NFATC2: variants seen among roughly 807,000 people sequenced by gnomAD.
NFATC2 encodes nuclear factor of activated T-cells, cytoplasmic 2.
In NFATC2, 22 loss-of-function variants were observed where a neutral mutation model predicts 87.3. That is an observed-to-expected ratio of 0.25 (90% confidence interval 0.18 to 0.36). The LOEUF is 0.36. Among genes scored for constraint, NFATC2 ranks in the 10% least tolerant of loss-of-function variants. The pLI is 1.00. For missense variants in NFATC2, 1,149 were observed against 1,259.1 expected, an observed-to-expected ratio of 0.91 and a Z score of 1.32; for synonymous variants, 565 against 542.2, an observed-to-expected ratio of 1.04 and a Z score of -0.58.
At chr20:51,559,602 C>T (rs2077004932) in intron 1 of NFATC2, among the ~76,000 whole-genome samples, 1 of 152,220 alleles carries the variant, frequency 6.6e-6, no homozygotes, top group Non-Finnish European at 1.5e-5. Flanking sequence ...ACCATGATTG[C>T]AGTACTTATC....
intron 1 of NFATC2, among the ~76,000 whole-genome samples, chr20:51,555,182 C>T (rs1269018029): frequency 6.6e-6 from 1 of 152,172 alleles, no homozygotes; most frequent in Non-Finnish European, 1.5e-5. Context: ...AGAGGCTGCT[C>T]TCCCCTTAAT....
chr20:51,542,308 C>T, intron 1 of NFATC2, 62 bp downstream of exon 1: 1 of 1,553,214 alleles, frequency 6.4e-7, no homozygotes, highest in Admixed American at 2.1e-5. Context: ...CTCCTGTGCC[C>T]AGTCCCCAGG....
intron 6 of NFATC2, among the ~76,000 whole-genome samples, chr20:51,450,700 C>G (rs1985659426): frequency 6.6e-6 from 1 of 152,310 alleles, no homozygotes; most frequent in Middle Eastern, 3.4e-3. Flanking sequence ...GCTAAACTGT[C>G]TGCCTCCCAT....
intron 3 of NFATC2, among the ~76,000 whole-genome samples, chr20:51,501,855 T>G (rs2076094602): frequency 6.6e-6 from 1 of 152,212 alleles, no homozygotes; most frequent in African/African-American, 2.4e-5. Flanking sequence ...GGAAACATTT[T>G]AGGCTCTGCA....
chr20:51,468,121 A>G (rs945804075), intron 5 of NFATC2, among the ~76,000 whole-genome samples: 2 of 152,208 alleles, frequency 1.3e-5, no homozygotes, highest in Non-Finnish European at 2.9e-5. Context: ...AGATTAATCA[A>G]CCGTGATAGA....
chr20:51,510,658 G>A (rs1198690309), intron 3 of NFATC2, among the ~76,000 whole-genome samples: 1 of 152,196 alleles, frequency 6.6e-6, no homozygotes, highest in Non-Finnish European at 1.5e-5. Context: ...GTCTCACTCT[G>A]TCACCCAGGC....
At chr20:51,505,523 T>C (rs908049500) in intron 3 of NFATC2, among the ~76,000 whole-genome samples, 4 of 152,016 alleles carry the variant, frequency 2.6e-5, no homozygotes, top group Non-Finnish European at 5.9e-5. Flanking sequence ...TGTGTATACA[T>C]ATACACATGC....
chr20:51,464,229 GGGCCACCACAAA>G (rs373653877), intron 5 of NFATC2, among the ~76,000 whole-genome samples: 15 of 152,320 alleles, frequency 9.8e-5, no homozygotes, highest in African/African-American at 3.1e-4. Flanking sequence ...CGTCCACACT[GGGCCACCACAAA>G]GGCCACCACA....
At chr20:51,474,429 T>C (rs1988519045) in intron 4 of NFATC2, among the ~76,000 whole-genome samples, 3 of 152,198 alleles carry the variant, frequency 2.0e-5, no homozygotes, top group Admixed American at 1.3e-4. Flanking sequence ...CTGGGGACTA[T>C]TGATTGTGGA....
At chr20:51,481,173 G>A (rs1989222520) in intron 3 of NFATC2, among the ~76,000 whole-genome samples, 1 of 152,202 alleles carries the variant, frequency 6.6e-6, no homozygotes, top group African/African-American at 2.4e-5. Flanking sequence ...CAGGTCCCTG[G>A]AGGTTTGATG....
At chr20:51,491,899 C>T (rs911771972) in intron 3 of NFATC2, among the ~76,000 whole-genome samples, 1 of 149,858 alleles carries the variant, frequency 6.7e-6, no homozygotes, top group African/African-American at 2.5e-5. Flanking sequence ...CACACACACA[C>T]ACACACACAC....
intron 5 of NFATC2, among the ~76,000 whole-genome samples, chr20:51,455,087 C>A (rs1241103352): frequency 6.6e-6 from 1 of 152,152 alleles, no homozygotes; most frequent in Admixed American, 6.5e-5. Flanking sequence ...CATATCCTTT[C>A]TTTGTACATT....
intron 9 of NFATC2, among the ~76,000 whole-genome samples, chr20:51,405,747 T>C (rs908626568): frequency 6.6e-6 from 1 of 152,102 alleles, no homozygotes; most frequent in African/African-American, 2.4e-5. Flanking sequence ...AGTAAAAATC[T>C]CAAGGAGGAA....
intron 9 of NFATC2, among the ~76,000 whole-genome samples, chr20:51,412,805 T>C (rs1284175147): frequency 6.6e-6 from 1 of 152,030 alleles, no homozygotes; most frequent in Non-Finnish European, 1.5e-5. Flanking sequence ...GGCTAGACGT[T>C]TGGCATGCAA....
chr20:51,482,827 C>CT (rs1354516326), intron 3 of NFATC2, among the ~76,000 whole-genome samples: 2 of 152,214 alleles, frequency 1.3e-5, no homozygotes, highest in African/African-American at 4.8e-5. Context: ...AACATATTGG[C>CT]ATTCGAGTTT....
intron 3 of NFATC2, among the ~76,000 whole-genome samples, chr20:51,489,420 T>C (rs142424497): frequency 1.1e-4 from 16 of 152,352 alleles, no homozygotes; most frequent in South Asian, 4.1e-4. Flanking sequence ...CACTTTGGAC[T>C]ACCCATCTCT....
intron 1 of NFATC2, among the ~76,000 whole-genome samples, chr20:51,536,198 T>C (rs771644893): frequency 3.3e-5 from 5 of 152,144 alleles, no homozygotes; most frequent in Non-Finnish European, 7.4e-5. Flanking sequence ...TATATAAATA[T>C]CAACTATAAG....
chr20:51,408,853 CTG>C (rs1047738438), intron 9 of NFATC2, among the ~76,000 whole-genome samples: 1 of 152,186 alleles, frequency 6.6e-6, no homozygotes, highest in African/African-American at 2.4e-5. Context: ...AAAGCACAGA[CTG>C]TGGGTCTCGC....
chr20:51,543,933 C>T (rs962453992), upstream of NFATC2, among the ~76,000 whole-genome samples: 1 of 149,224 alleles, frequency 6.7e-6, no homozygotes, highest in South Asian at 2.1e-4. Context: ...TTTAAACTCC[C>T]GTGCTGGGCT....
Sources: gnomAD v4.1 joint callset for allele counts (sites outside exome capture counted in the v4.1 genomes callset) on GRCh38, gnomAD v4.1.1 for gene constraint, MANE v1.5 for transcripts, NCBI Gene and HGNC (gene_info 2026-07-23, HGNC 2026-07-21) for gene names.